The following ADGRV1 variants were observed in gnomAD, a reference collection of about 807,000 sequenced individuals.
The protein encoded by ADGRV1 is G-protein coupled receptor 98.
ADGRV1 carries 359 observed loss-of-function variants against 596.2 expected under a neutral mutation model. The ratio of observed to expected loss-of-function variants is 0.60; its 90% CI spans 0.55 to 0.66. The LOEUF is 0.66. ADGRV1 is among the 30% of genes least tolerant of loss of function. The probability of loss-of-function intolerance (pLI) is 0.00; values close to 1 mark genes in which losing one functional copy is unlikely to be tolerated. For synonymous variants in ADGRV1, 2,681 were observed against 2,679.2 expected, an observed-to-expected ratio of 1.00 and a Z score of -0.02; for missense variants, 7,274 against 7,575.6, an observed-to-expected ratio of 0.96 and a Z score of 1.48.
chr5:90,709,027 T>C, intron 39 of ADGRV1, 118 bp downstream of exon 39: 3 of 646,026 alleles, frequency 4.6e-6, no homozygotes, highest in Middle Eastern at 2.6e-4. Context: ...TGTGTTAAAA[T>C]ATGATGGGCT....
chr5:90,864,766 G>T (rs1382827641), intron 83 of ADGRV1, among the ~76,000 whole-genome samples: 1 of 152,064 alleles, frequency 6.6e-6, no homozygotes, highest in Non-Finnish European at 1.5e-5. Context: ...ATGCTCTTAT[G>T]GAGATAATTT....
Position 90,627,408 on chromosome 5 carries a change from T to G in ADGRV1, c.870T>G (p.Asn290Lys). 1.2e-6 allele frequency: 2 copies of G among 1,613,942 alleles called. No homozygotes were observed. The highest frequency in any genetic ancestry group is 1.7e-6 in the Non-Finnish European group (2 of 1,179,854). The change falls in exon 7 of 90, where the codon AAT becomes AAG. Residue 290 changes from asparagine to lysine, a missense_variant. Asn to Lys is a moderately conservative substitution (Grantham distance 94). This residue lies in a region of ADGRV1 where 1,715 missense variants were observed against 1,708.8 expected (regional missense o/e 1.00). Transcript: ENST00000405460. Reference protein sequence around the residue: ...IIPVVRGKDNNGNLIGSDEYE... With the variant: ...IIPVVRGKDNKGNLIGSDEYE... ...CAGTAGTTCGTGGAAAGGACAACAATGGAAATCTGATTGGATCTGATGAAT... is the reference window on the plus strand; with the variant it reads ...CAGTAGTTCGTGGAAAGGACAACAAGGGAAATCTGATTGGATCTGATGAAT...
intron 86 of ADGRV1, among the ~76,000 whole-genome samples, chr5:91,098,530 T>A (rs1421499055): frequency 6.6e-6 from 1 of 152,202 alleles, no homozygotes; most frequent in East Asian, 1.9e-4. Flanking sequence ...CCTCTGGATA[T>A]GTTTCTTCTA....
At chr5:90,825,269 C>CAA (rs1484304600) in intron 76 of ADGRV1, among the ~76,000 whole-genome samples, 1 of 152,142 alleles carries the variant, frequency 6.6e-6, no homozygotes, top group Non-Finnish European at 1.5e-5. Flanking sequence ...TTCCGTTAAT[C>CAA]AAAATACCAC....
At position 90,911,088 on chromosome 5, in the gene ADGRV1, G is replaced by A. The variant is rs148136057; in HGVS notation, c.17856+47231G>A. 9.1e-3 allele frequency among the ~76,000 whole-genome samples: 1,389 copies of A among 152,136 alleles called. 17 individuals carry two copies. Among genetic ancestry groups the A allele is most frequent in the African/African-American group, 0.031 (1,301 of 41,520 alleles). Reference sequence around the variant, plus strand: ...CGAGTAATTCGTGTGTTTTCTGTCCGTTCTACAAATAAACCTGGTAATGGA... The same window carrying A: ...CGAGTAATTCGTGTGTTTTCTGTCCATTCTACAAATAAACCTGGTAATGGA... On this transcript the variant is annotated intron_variant, in intron 83 of 89. Coordinates refer to ENST00000405460, the MANE Select transcript of ADGRV1 (RefSeq NM_032119.4).
At chr5:90,718,544 C>T (rs1363659321) in intron 43 of ADGRV1, 1 of 152,036 alleles carries the variant, frequency 6.6e-6, no homozygotes, top group East Asian at 1.9e-4. Flanking sequence ...TTGTCTAAAA[C>T]AGTCCATCTA....
At chr5:90,799,038 G>A (rs2438368) in intron 70 of ADGRV1, among the ~76,000 whole-genome samples, 89,403 of 152,004 alleles carry the variant, frequency 0.59, 28,571 homozygotes, top group African/African-American at 0.86. Flanking sequence ...GCCCTCTGTC[G>A]CCACCCCTAT....
At chr5:91,097,323 A>T (rs138096953) in intron 86 of ADGRV1, among the ~76,000 whole-genome samples, 2 of 152,258 alleles carry the variant, frequency 1.3e-5, no homozygotes, top group East Asian at 3.9e-4. Context: ...TACTCTCACA[A>T]CCTAATCACC....
intron 50 of ADGRV1, among the ~76,000 whole-genome samples, chr5:90,730,011 G>A (rs550304768): frequency 7.9e-5 from 12 of 152,130 alleles, no homozygotes; most frequent in Middle Eastern, 3.4e-3. Context: ...GACTACAGGC[G>A]TCCGCCACCA....
At chr5:91,098,963 G>A (rs1791127037) in intron 86 of ADGRV1, among the ~76,000 whole-genome samples, 1 of 152,198 alleles carries the variant, frequency 6.6e-6, no homozygotes, top group African/African-American at 2.4e-5. Flanking sequence ...TGTGAGCACA[G>A]CTTAGGGGTT....
chr5:90,696,538 A>G (rs1747216408), intron 33 of ADGRV1, among the ~76,000 whole-genome samples: 1 of 152,078 alleles, frequency 6.6e-6, no homozygotes, highest in African/African-American at 2.4e-5. Context: ...TTATCACAGT[A>G]ATGCCAGAAT....
At chr5:90,975,760 A>C (rs1164439833) in intron 84 of ADGRV1, among the ~76,000 whole-genome samples, 3 of 152,130 alleles carry the variant, frequency 2.0e-5, no homozygotes, top group Non-Finnish European at 4.4e-5. Flanking sequence ...GTAAATGACG[A>C]GTTAATGGGT....
rs1780411840 is a variant in ADGRV1 at position 90,985,445 on chromosome 5, G to C, written c.18075G>C (p.Val6025=). ...LLSWGLPAFV[V]ILLIVILKGI... is the part of the protein sequence containing the mutation. The stretch of plus-strand genomic sequence containing the variant: ...GTTGGGGACTACCAGCTTTTGTGGT[G>C]ATTCTCCTCATAGTTATTTTGAAAG... The change falls in exon 85 of 90, where the codon GTG becomes GTC. Residue 6025 remains valine (V), a synonymous_variant. Coordinates refer to ENST00000405460, the MANE Select transcript of ADGRV1 (RefSeq NM_032119.4). The C allele has an allele frequency of 6.2e-7, 1 of 1,613,772 alleles. No homozygotes were observed. The highest frequency in any genetic ancestry group is 8.5e-7 in the Non-Finnish European group (1 of 1,179,752).
chr5:90,718,350 T>A (rs1011846466), intron 43 of ADGRV1: 20 of 152,226 alleles, frequency 1.3e-4, no homozygotes, highest in Non-Finnish European at 1.5e-5. Flanking sequence ...TATTTTATTG[T>A]ATGTATATAC....
At chr5:91,034,570 T>C (rs1562119740) in intron 85 of ADGRV1, among the ~76,000 whole-genome samples, 1 of 152,202 alleles carries the variant, frequency 6.6e-6, no homozygotes, top group Non-Finnish European at 1.5e-5. Context: ...GGGCGTACAG[T>C]GTCCTCACCA....
intron 88 of ADGRV1, among the ~76,000 whole-genome samples, chr5:91,150,941 G>C (rs1484118470): frequency 6.6e-6 from 1 of 152,126 alleles, no homozygotes; most frequent in East Asian, 1.9e-4. Flanking sequence ...GAATTCCTTT[G>C]GCCAGGAGGA....
At chr5:91,010,203 A>G (rs1782610088) in intron 85 of ADGRV1, among the ~76,000 whole-genome samples, 1 of 152,132 alleles carries the variant, frequency 6.6e-6, no homozygotes, top group Admixed American at 6.6e-5. Flanking sequence ...AACATGACAC[A>G]CAGGCTTCCT....
intron 34 of ADGRV1, among the ~76,000 whole-genome samples, chr5:90,697,382 A>C (rs1747331470): frequency 6.6e-6 from 1 of 152,128 alleles, no homozygotes; most frequent in African/African-American, 2.4e-5. Context: ...GTATGATTTT[A>C]AGGAAGTTAA....
chr5:90,763,496 A>C (rs191429503), intron 59 of ADGRV1, 27 bp downstream of exon 59: 2 of 1,572,350 alleles, frequency 1.3e-6, no homozygotes, highest in Non-Finnish European at 1.7e-6. Context: ...CACTCCTGTA[A>C]TTTTTCCCCA....
Sources: gnomAD v4.1 joint callset for allele counts (sites outside exome capture counted in the v4.1 genomes callset) on GRCh38, gnomAD v4.1.1 for gene constraint, gnomAD v4.1.1 regional missense constraint, MANE v1.5 for transcripts, NCBI Gene and HGNC (gene_info 2026-07-23, HGNC 2026-07-21) for gene names.